Variants in PEX14 observed in about 807,000 individuals in gnomAD.
PEX14 encodes peroxisomal membrane protein PEX14.
Under a neutral mutation model 49.5 loss-of-function variants are expected in PEX14, and 15 were observed. That is an observed-to-expected ratio of 0.30 (90% CI 0.20 to 0.47). The LOEUF (loss-of-function observed/expected upper bound fraction) is 0.47. Among genes scored for constraint, PEX14 ranks in the 20% least tolerant of loss-of-function variants. PEX14 has a pLI of 1.00. For synonymous variants in PEX14, 210 were observed against 212.7 expected (o/e 0.99, Z 0.11); for missense variants, 398 against 494.8 (o/e 0.80, Z 1.86).
At chr1:10,538,004 A>G (rs1334495875) in intron 3 of PEX14, among the ~76,000 whole-genome samples, 1 of 152,250 alleles carries the variant, frequency 6.6e-6, no homozygotes, top group East Asian at 1.9e-4. Context: ...TCCAAGAGTC[A>G]TTGTGCACCC....
chr1:10,494,379 T>TAG lies in PEX14; in HGVS notation c.37-893_37-892dup, dbSNP rs1336228672. Among the ~76,000 whole-genome samples, 1 of 152,248 alleles carries TAG rather than the reference T, an allele frequency of 6.6e-6. No homozygotes were observed. Among genetic ancestry groups the TAG allele is most frequent in the Non-Finnish European group, 1.5e-5 (1 of 68,042 alleles). On this transcript the variant is annotated intron_variant, in intron 1 of 8. Coordinates refer to ENST00000356607, the MANE Select transcript of PEX14 (RefSeq NM_004565.3). The surrounding 1 kb of genome is among the most constrained non-coding windows in gnomAD (Gnocchi z 4.3). ...CACTTGTCTGGATATTAACTGTAGA[T>TAG]AGATGGCAATTGGCCTGACCATCAG...
chr1:10,549,756 T>G (rs1002620901), intron 3 of PEX14, among the ~76,000 whole-genome samples: 1 of 152,242 alleles, frequency 6.6e-6, no homozygotes, highest in African/African-American at 2.4e-5. Flanking sequence ...CCTTTGAATG[T>G]CATGTTGGCA....
At chr1:10,614,815 C>T (rs559076095) in intron 4 of PEX14, among the ~76,000 whole-genome samples, 16 of 152,270 alleles carry the variant, frequency 1.1e-4, no homozygotes, top group South Asian at 2.1e-4. Flanking sequence ...TCTGAGAGAG[C>T]GGGGTGGCCA....
chr1:10,629,385 G>A lies in PEX14; in HGVS notation c.678-146G>A. The A allele has an allele frequency of 1.5e-6, 1 of 681,650 alleles. No homozygotes were observed. The highest frequency in any genetic ancestry group is 2.6e-6 in the Non-Finnish European group (1 of 379,952). 42.2% of individuals were successfully genotyped at this position (681,650 alleles called of 1,614,324 possible). A position where few individuals can be genotyped will look rare whatever the true frequency, so the allele number is the denominator to read the frequency against. Reference sequence around the variant, plus strand: ...ATCTTTGCTCCTGAAAGGAGGGGTGGAAGGGCTCCATCCTGTCCCTTGCCC... The same window carrying A: ...ATCTTTGCTCCTGAAAGGAGGGGTGAAAGGGCTCCATCCTGTCCCTTGCCC... On this transcript the variant is annotated intron_variant, in intron 8 of 8. Coordinates refer to ENST00000356607, the MANE Select transcript of PEX14 (RefSeq NM_004565.3). This position sits in a 1 kb window ranked among gnomAD's most constrained non-coding sequence, Gnocchi z 8.5.
At chr1:10,580,787 T>G (rs1240758954) in intron 3 of PEX14, among the ~76,000 whole-genome samples, 23 of 152,220 alleles carry the variant, frequency 1.5e-4, no homozygotes, top group Non-Finnish European at 3.2e-4. Flanking sequence ...CTGTTCTTTT[T>G]TTTTTCAGTG....
intron 3 of PEX14, among the ~76,000 whole-genome samples, chr1:10,598,511 C>T (rs142258319): frequency 1.3e-5 from 2 of 152,314 alleles, no homozygotes; most frequent in East Asian, 3.9e-4. Context: ...AGATGGCGCC[C>T]TGCCACTTCC....
chr1:10,572,507 T>A (rs1640005776), intron 3 of PEX14, among the ~76,000 whole-genome samples: 1 of 152,114 alleles, frequency 6.6e-6, no homozygotes, highest in African/African-American at 2.4e-5. Context: ...CATAATACAG[T>A]CATGTGTCAC....
rs747037772 is a variant in PEX14, at chr1:10,618,292, C to T, written c.299-40C>T. 9.7e-6 allele frequency: 15 copies of T among 1,538,736 alleles called. No individual in the cohort carries two copies. The South Asian group carries it at 1.3e-4, about 14-fold the overall frequency. ...CCAGCCCCCACCCGAAGAAGGACGC[C>T]ATGTGCGTCTTCTAACCCTCCTCCT... On this transcript the variant is annotated intron_variant, in intron 4 of 8. Transcript: ENST00000356607.
rs12068754 is a variant in PEX14 at position 10,474,995 on chromosome 1, C to G, written c.29C>G (p.Pro10Arg). The G allele has an allele frequency of 1.3e-4, 215 of 1,610,166 alleles. No homozygotes were observed. In the African/African-American group the frequency reaches 2.7e-3, roughly 20 times the overall value. MASSEQAEQ[P>R]SQPSSTPGSE... ...GCGTCCTCGGAGCAGGCAGAGCAGC[C>G]GAGCCAGGTAAGGGGAGTGGGACTG... is the stretch of plus-strand genomic sequence containing the variant. Residue 10 changes from proline (P) to arginine (R), a missense_variant, in exon 1 of 9, where the codon CCG (proline) becomes CGG (arginine). Pro to Arg is a moderately radical substitution (Grantham distance 103). Coordinates refer to ENST00000356607, the MANE Select transcript of PEX14 (RefSeq NM_004565.3).
chr1:10,490,688 T>G (rs1357472711), intron 1 of PEX14, among the ~76,000 whole-genome samples: 1 of 150,442 alleles, frequency 6.6e-6, no homozygotes, highest in Non-Finnish European at 1.5e-5. Context: ...TGCCTGTGGG[T>G]GGTTTCTAAG....
chr1:10,593,256 G>A (rs1640722843), intron 3 of PEX14, among the ~76,000 whole-genome samples: 1 of 152,190 alleles, frequency 6.6e-6, no homozygotes, highest in African/African-American at 2.4e-5. Flanking sequence ...TCTGTGTTGA[G>A]CTGAGAATTA....
intron 3 of PEX14, among the ~76,000 whole-genome samples, chr1:10,540,232 G>A (rs1391856874): frequency 2.6e-5 from 4 of 152,208 alleles, no homozygotes; most frequent in Non-Finnish European, 5.9e-5. Flanking sequence ...CCTTGGTAGT[G>A]GGCTAGAGGT....
chr1:10,531,383 T>C (rs1638646271), intron 2 of PEX14, among the ~76,000 whole-genome samples: 1 of 151,756 alleles, frequency 6.6e-6, no homozygotes, highest in South Asian at 2.1e-4. Context: ...AAGAGGGTTC[T>C]CTCATTCTTG....
At chr1:10,477,381 T>A (rs1641214699) in intron 1 of PEX14, among the ~76,000 whole-genome samples, 1 of 152,160 alleles carries the variant, frequency 6.6e-6, no homozygotes, top group South Asian at 2.1e-4. Flanking sequence ...AAACTTGAAC[T>A]TTTCATAACA....
intron 3 of PEX14, among the ~76,000 whole-genome samples, chr1:10,558,773 T>C (rs1323337359): frequency 1.3e-5 from 2 of 151,808 alleles, no homozygotes. Flanking sequence ...AAGAAATTAC[T>C]TTGGAAAGAA....
At chr1:10,569,088 T>C (rs903277964) in intron 3 of PEX14, among the ~76,000 whole-genome samples, 6 of 152,130 alleles carry the variant, frequency 3.9e-5, no homozygotes, top group Non-Finnish European at 5.9e-5. Context: ...TAGTATTGGA[T>C]GCATTAAATA....
At chr1:10,553,902 C>T (rs980211741) in intron 3 of PEX14, among the ~76,000 whole-genome samples, 6 of 152,266 alleles carry the variant, frequency 3.9e-5, no homozygotes, top group East Asian at 3.9e-4. Context: ...TGTGACATGA[C>T]GGTTAGTTCC....
intron 3 of PEX14, among the ~76,000 whole-genome samples, chr1:10,568,340 C>A (rs1199242332): frequency 1.0e-5 from 1 of 99,702 alleles, no homozygotes; most frequent in Non-Finnish European, 2.2e-5. Context: ...CCCCCCCCCA[C>A]TCCCACTAAC....
Position 10,512,757 on chromosome 1 carries a change from G to A in PEX14, c.84+17436G>A, listed in dbSNP as rs372022479. On this transcript the variant is annotated intron_variant, in intron 2 of 8. Coordinates refer to ENST00000356607, the MANE Select transcript of PEX14 (RefSeq NM_004565.3). The surrounding 1 kb of genome is among the most constrained non-coding windows in gnomAD (Gnocchi z 4.6). ...CTCTGTCGCCAGGCTGGAGTGCAGT[G>A]GCGTGATGTCGGCTCACTGCAACCT... is the stretch of plus-strand genomic sequence containing the variant. Among the ~76,000 whole-genome samples the A allele has an allele frequency of 6.6e-6, 1 of 151,954 alleles. No homozygotes were observed. Among genetic ancestry groups the A allele is most frequent in the Admixed American group, 6.6e-5 (1 of 15,256 alleles).
Sources: gnomAD v4.1 joint callset for allele counts (sites outside exome capture counted in the v4.1 genomes callset) on GRCh38, gnomAD v4.1.1 for gene constraint, Gnocchi (gnomAD v3.1) non-coding constraint, MANE v1.5 for transcripts, NCBI Gene and HGNC (gene_info 2026-07-23, HGNC 2026-07-21) for gene names.